GFPT1: variants seen among roughly 807,000 people sequenced by gnomAD.
GFPT1 encodes the protein glutamine--fructose-6-phosphate transaminase 1, also known as glutamine--fructose-6-phosphate aminotransferase [isomerizing] 1.
In GFPT1, 40 loss-of-function variants were observed where a neutral mutation model predicts 92.0. The ratio of observed to expected loss-of-function variants is 0.43; its 90% CI spans 0.34 to 0.57. The LOEUF (loss-of-function observed/expected upper bound fraction) is 0.57. Among genes scored for constraint, GFPT1 ranks in the 20% least tolerant of loss-of-function variants. The pLI is 0.02. For missense variants in GFPT1, 448 were observed against 869.1 expected (o/e 0.52, Z 6.09); for synonymous variants, 269 against 280.6 (o/e 0.96, Z 0.41).
At chr2:69,347,786 T>C (rs1651116707) in intron 11 of GFPT1, among the ~76,000 whole-genome samples, 1 of 152,172 alleles carries the variant, frequency 6.6e-6, no homozygotes, top group African/African-American at 2.4e-5. Flanking sequence ...CCCAGCCATA[T>C]AGTAGCTTCT....
intron 2 of GFPT1, among the ~76,000 whole-genome samples, chr2:69,373,610 C>T (rs1326431745): frequency 1.3e-5 from 2 of 151,866 alleles, no homozygotes; most frequent in Non-Finnish European, 2.9e-5. Context: ...CAGAGTGAGA[C>T]CCTATCTCAA....
At position 69,338,563 on chromosome 2, in the gene GFPT1, T is replaced by C. The variant is rs763804820; in HGVS notation, c.1206A>G (p.Thr402=). Residue 402 remains threonine, a splice_region_variant and synonymous_variant, in exon 14 of 20, where the codon ACA becomes ACG. Coordinates refer to ENST00000357308, the MANE Select transcript of GFPT1 (RefSeq NM_001244710.2). ...CAGTCAGCTCCTCAAGAACTTGACG[T>C]GTCTGCAGAGAAAATATGACTTGGT... The part of the protein sequence containing the change: ...CGTSYHAGVA[T]RQVLEELTEL... 6.2e-7 allele frequency: 1 copy of C among 1,614,026 alleles called. No homozygotes were observed. The highest frequency in any genetic ancestry group is 1.1e-5 in the South Asian group (1 of 91,084).
chr2:69,381,292 G>C (rs1194476814), intron 1 of GFPT1, among the ~76,000 whole-genome samples: 1 of 152,058 alleles, frequency 6.6e-6, no homozygotes, highest in Non-Finnish European at 1.5e-5. Context: ...CAGAATTAAA[G>C]TCTTCATTTT....
At chr2:69,328,164 A>C (rs1162052727) in intron 18 of GFPT1, 107 bp downstream of exon 18, 31 of 873,436 alleles carry the variant, frequency 3.5e-5, no homozygotes, top group Non-Finnish European at 5.8e-5. Flanking sequence ...GCTGTATTCC[A>C]AAGTAAATGA....
chr2:69,338,647 T>A, intron 13 of GFPT1, 82 bp from the exon 14 acceptor site: 1 of 1,450,412 alleles, frequency 6.9e-7, no homozygotes, highest in Non-Finnish European at 9.7e-7. Context: ...ATGTATAGTT[T>A]TTGCTTTTTC....
At chr2:69,375,840 G>C (rs1208743449) in intron 1 of GFPT1, among the ~76,000 whole-genome samples, 1 of 152,188 alleles carries the variant, frequency 6.6e-6, no homozygotes, top group African/African-American at 2.4e-5. Flanking sequence ...ATTAAGATAA[G>C]GATAAACAAC....
intron 15 of GFPT1, among the ~76,000 whole-genome samples, chr2:69,330,794 T>C (rs532337696): frequency 3.0e-4 from 46 of 152,256 alleles, no homozygotes; most frequent in East Asian, 1.5e-3. Flanking sequence ...TAAATAATAG[T>C]ACAAGTGTAA....
chr2:69,326,577 A>T (rs927908627), intron 19 of GFPT1, among the ~76,000 whole-genome samples: 1 of 152,214 alleles, frequency 6.6e-6, no homozygotes, highest in Non-Finnish European at 1.5e-5. Context: ...AATGCTACAA[A>T]GTCTTCAATG....
chr2:69,376,907 C>CT (rs903980117), intron 1 of GFPT1, among the ~76,000 whole-genome samples: 19 of 152,006 alleles, frequency 1.2e-4, no homozygotes, highest in Non-Finnish European at 2.5e-4. Context: ...ATAGACTCTA[C>CT]TTTTTTTTAA....
At chr2:69,347,223 T>C (rs1175023904) in intron 11 of GFPT1, among the ~76,000 whole-genome samples, 2 of 148,786 alleles carry the variant, frequency 1.3e-5, no homozygotes, top group Non-Finnish European at 3.0e-5. Context: ...TTTTTTTTTT[T>C]AGTTTGTAGT....
intron 1 of GFPT1, among the ~76,000 whole-genome samples, chr2:69,381,030 A>C (rs1044707061): frequency 2.6e-5 from 4 of 151,530 alleles, no homozygotes; most frequent in African/African-American, 9.7e-5. Context: ...CCCAGGCTGG[A>C]GGGCAGTGGC....
At chr2:69,363,814 G>C in intron 3 of GFPT1, 144 bp from the exon 4 acceptor site, 3 of 706,344 alleles carry the variant, frequency 4.2e-6, no homozygotes, top group Non-Finnish European at 7.3e-6. Context: ...ATTCAAAATA[G>C]TGATTAAAAG....
intron 18 of GFPT1, among the ~76,000 whole-genome samples, 163 bp downstream of exon 18, chr2:69,328,108 A>C (rs1464465722): frequency 1.3e-5 from 2 of 152,040 alleles, no homozygotes; most frequent in East Asian, 1.9e-4. Flanking sequence ...AAAAAAAAAA[A>C]AAAAAAACTC....
chr2:69,357,463 T>C (rs984084048), intron 6 of GFPT1, among the ~76,000 whole-genome samples: 2 of 152,266 alleles, frequency 1.3e-5, no homozygotes, highest in South Asian at 2.1e-4. Flanking sequence ...AACTGGATTA[T>C]ACAATGAATA....
At chr2:69,333,404 T>C (rs926626637) in intron 15 of GFPT1, among the ~76,000 whole-genome samples, 1 of 152,218 alleles carries the variant, frequency 6.6e-6, no homozygotes, top group African/African-American at 2.4e-5. Flanking sequence ...TTCCATTGCA[T>C]TGCTATTACA....
rs1307468521 is a variant in GFPT1 at position 69,356,549 on chromosome 2, A to T, written c.552T>A (p.Ala184=). 6.2e-7 allele frequency: 1 copy of T among 1,612,706 alleles called. No homozygotes were observed. Among genetic ancestry groups the T allele is most frequent in the African/African-American group, 1.3e-5 (1 of 75,012 alleles). Reference sequence around the variant, plus strand: ...GAACACTTTTAAACACAAGTGCAAAAGCACCTTCCTAGGGAGGGAAAAAAA... The same window carrying T: ...GAACACTTTTAAACACAAGTGCAAATGCACCTTCCTAGGGAGGGAAAAAAA... The part of the protein sequence containing the change: ...VERVIQQLEG[A]FALVFKSVHF... Residue 184 remains alanine (A), a synonymous_variant, in exon 7 of 20, where the codon GCT becomes GCA. Coordinates refer to ENST00000357308, the MANE Select transcript of GFPT1 (RefSeq NM_001244710.2).
intron 11 of GFPT1, among the ~76,000 whole-genome samples, chr2:69,346,370 C>T (rs924206923): frequency 1.3e-5 from 2 of 152,128 alleles, no homozygotes; most frequent in African/African-American, 2.4e-5. Context: ...TCCTGAGTAG[C>T]TGTGACTACA....
rs765679487 is a variant in GFPT1 at position 69,348,260 on chromosome 2, A to G, written c.920T>C (p.Leu307Pro). Residue 307 changes from leucine (L) to proline (P), a missense_variant, in exon 11 of 20, where the codon CTT (leucine) becomes CCT (proline). Physicochemically the swap from Leu to Pro is moderately conservative, Grantham distance 98. Transcript: ENST00000357308. ...DDVAAVVDGR[L>P]SIHRIKRTAG... The stretch of plus-strand genomic sequence containing the variant: ...AGTTCGTTTAATTCGATGGATAGAA[A>G]GACGTCCATCCACTACTGCTGCAAC... 1.9e-6 allele frequency: 3 copies of G among 1,611,002 alleles called. No homozygotes were observed. The highest frequency in any genetic ancestry group is 2.2e-5 in the East Asian group (1 of 44,886).
chr2:69,338,087 A>C, intron 14 of GFPT1, 32 bp from the exon 15 acceptor site: 1 of 1,606,954 alleles, frequency 6.2e-7, no homozygotes, highest in Non-Finnish European at 8.5e-7. Flanking sequence ...CATAACACAC[A>C]GAACAGTTTT....
Sources: allele counts gnomAD v4.1 joint callset (sites outside exome capture counted in the v4.1 genomes callset), GRCh38; gene constraint gnomAD v4.1.1; transcripts MANE v1.5; gene names NCBI Gene and HGNC (gene_info 2026-07-23, HGNC 2026-07-21).